OR4S2: variants seen among roughly 807,000 people sequenced by gnomAD.
OR4S2 encodes olfactory receptor 4S2.
Under a neutral mutation model 15.1 loss-of-function variants are expected in OR4S2, and 16 were observed. The ratio of observed to expected loss-of-function variants is 1.06; its 90% CI spans 0.72 to 1.61. The LOEUF (loss-of-function observed/expected upper bound fraction) is 1.61. OR4S2 is among the 40% of genes most tolerant of loss of function. The pLI is 0.00. For missense variants in OR4S2, 362 were observed against 379.6 expected (o/e 0.95, Z 0.38); for synonymous variants, 133 against 136.3 (o/e 0.98, Z 0.17).
Position 55,651,139 on chromosome 11 carries a change from T to C in OR4S2, c.236T>C (p.Met79Thr), listed in dbSNP as rs757223228. 1 of 1,475,212 alleles carries C rather than the reference T, an allele frequency of 6.8e-7. No homozygotes were observed. Among genetic ancestry groups the C allele is most frequent in the Non-Finnish European group, 9.2e-7 (1 of 1,081,086 alleles). 91.4% of individuals were successfully genotyped at this position (1,475,212 alleles called of 1,614,324 possible). A position where few individuals can be genotyped will look rare whatever the true frequency, so the allele number is the denominator to read the frequency against. The change falls in exon 2 of 2, where the codon ATG becomes ACG. Residue 79 changes from methionine to threonine, a missense_variant. Coordinates refer to ENST00000641692, the MANE Select transcript of OR4S2 (RefSeq NM_001004059.3). ...ICYSSVTAPK[M>T]IVDLLAKDKT... ...TACTCTTCAGTCACAGCTCCCAAGATGATTGTTGACCTGTTAGCAAAGGAC... is the reference window on the plus strand; with the variant it reads ...TACTCTTCAGTCACAGCTCCCAAGACGATTGTTGACCTGTTAGCAAAGGAC...
rs1338971859 is a variant in OR4S2, at chr11:55,652,457, C to T, written c.*618C>T. The T allele has an allele frequency of 5.1e-5, 7 of 138,398 alleles. 2 individuals carry two copies. The highest frequency in any genetic ancestry group is 1.1e-4 in the Non-Finnish European group (7 of 62,286). The allele number at this position is 138,398 out of a possible 1,614,324, so 8.6% of individuals were successfully genotyped here. ...GTTCACACTGTAGATTTCACTTATC[C>T]TTGTGCATGCGTGTTTCATCACTGT... On this transcript the variant is annotated 3_prime_UTR_variant, in exon 2 of 2. Coordinates refer to ENST00000641692, the MANE Select transcript of OR4S2 (RefSeq NM_001004059.3).
chr11:55,651,458 T>G lies in OR4S2; in HGVS notation c.555T>G (p.Leu185=), dbSNP rs1858567150. The change falls in exon 2 of 2, where the codon CTT becomes CTG. Residue 185 remains leucine, a synonymous_variant. Coordinates refer to ENST00000641692, the MANE Select transcript of OR4S2 (RefSeq NM_001004059.3). The part of the protein sequence containing the change: ...YFCDVHPVLK[L]ACTETYIVGV... ...GTGATGTTCACCCTGTGTTGAAACT[T>G]GCCTGCACAGAAACATACATTGTTG... 6.7e-7 allele frequency: 1 copy of G among 1,488,878 alleles called. No homozygotes were observed. 92.2% of individuals were successfully genotyped at this position (1,488,878 alleles called of 1,614,324 possible).
At chr11:55,649,106 C>A (rs1858533193) in intron 1 of OR4S2, among the ~76,000 whole-genome samples, 1 of 137,764 alleles carries the variant, frequency 7.3e-6, no homozygotes, top group Non-Finnish European at 1.6e-5. Context: ...TAGATGAGAG[C>A]AAAGCAACAT....
chr11:55,650,997 T>C lies in OR4S2; in HGVS notation c.94T>C (p.Phe32Leu), dbSNP rs1565075654. 4.1e-6 allele frequency: 6 copies of C among 1,461,686 alleles called. 2 individuals carry two copies. Among genetic ancestry groups the C allele is most frequent in the Non-Finnish European group, 5.6e-6 (6 of 1,068,726 alleles). The allele number at this position is 1,461,686 out of a possible 1,614,324, so 90.5% of individuals were successfully genotyped here. A position where few individuals can be genotyped will look rare whatever the true frequency, so the allele number is the denominator to read the frequency against. The change falls in exon 2 of 2, where the codon TTC becomes CTC. Residue 32 changes from phenylalanine (F) to leucine (L), a missense_variant. Coordinates refer to ENST00000641692, the MANE Select transcript of OR4S2 (RefSeq NM_001004059.3). ...AGTTTGTTTTGTGGTGTTTTCTTTC[T>C]TCTACATAATCATTCTTCTGGGAAA... ...EKVCFVVFSF[F>L]YIIILLGNLL...
rs1858565597 is a variant in OR4S2, at chr11:55,651,386, A to G, written c.483A>G (p.Val161=). 6.7e-7 allele frequency: 1 copy of G among 1,485,516 alleles called. No homozygotes were observed. The highest frequency in any genetic ancestry group is 9.2e-7 in the Non-Finnish European group (1 of 1,090,726). 92.0% of individuals were successfully genotyped at this position (1,485,516 alleles called of 1,614,324 possible). Residue 161 remains valine, a synonymous_variant, in exon 2 of 2, where the codon GTA becomes GTG. Transcript: ENST00000641692. ...FLHSIIQVAL[V]VQLPFCGPNE... The stretch of plus-strand genomic sequence containing the variant: ...ACTCCATTATCCAAGTGGCTCTGGT[A>G]GTCCAACTACCCTTTTGTGGACCCA...
In OR4S2 at chr11:55,652,753, A is replaced by G. The variant is rs1467052301; in HGVS notation, c.*914A>G. The G allele has an allele frequency of 7.2e-6, 1 of 139,034 alleles. No individual in the cohort carries two copies. The highest frequency in any genetic ancestry group is 1.6e-5 in the Non-Finnish European group (1 of 62,376). 8.6% of individuals were successfully genotyped at this position (139,034 alleles called of 1,614,324 possible). A position where few individuals can be genotyped will look rare whatever the true frequency, so the allele number is the denominator to read the frequency against. ...TCAGATGGCTATAACTTCCCCCACAATGCTAAGTTAACTACTTAGTAACAC... is the reference window on the plus strand; with the variant it reads ...TCAGATGGCTATAACTTCCCCCACAGTGCTAAGTTAACTACTTAGTAACAC... On this transcript the variant is annotated 3_prime_UTR_variant, in exon 2 of 2. Transcript: ENST00000641692.
Position 55,651,810 on chromosome 11 carries a change from A to C in OR4S2, c.907A>C (p.Asn303His). 1 of 1,441,320 alleles carries C rather than the reference A, an allele frequency of 6.9e-7. No homozygotes were observed. The highest frequency in any genetic ancestry group is 9.5e-7 in the Non-Finnish European group (1 of 1,055,368). 89.3% of individuals were successfully genotyped at this position (1,441,320 alleles called of 1,614,324 possible). Reference sequence around the variant, plus strand: ...TGCAATGAAGAAACTGTGGGGCAGAAATGTTTTCTTGGAGGCTAAAGGGAA... The same window carrying C: ...TGCAATGAAGAAACTGTGGGGCAGACATGTTTTCTTGGAGGCTAAAGGGAA... ...KNAMKKLWGR[N>H]VFLEAKGK Residue 303 changes from asparagine (N) to histidine (H), a missense_variant, in exon 2 of 2, where the codon AAT becomes CAT. Coordinates refer to ENST00000641692, the MANE Select transcript of OR4S2 (RefSeq NM_001004059.3).
intron 1 of OR4S2, among the ~76,000 whole-genome samples, chr11:55,649,165 G>A (rs1858533678): frequency 7.2e-6 from 1 of 138,268 alleles, no homozygotes. Context: ...CTTAAGTTGA[G>A]GGGCTCTCTT....
At position 55,651,901 on chromosome 11, in the gene OR4S2, T is replaced by C; in HGVS notation, c.*62T>C. The C allele has an allele frequency of 6.3e-6, 5 of 795,450 alleles. No homozygotes were observed. Among genetic ancestry groups the C allele is most frequent in the Non-Finnish European group, 9.9e-6 (5 of 506,394 alleles). 49.3% of individuals were successfully genotyped at this position (795,450 alleles called of 1,614,324 possible). ...TTCTCAGCCTTGGTTAACTCATCTG[T>C]GCAATCAAGACAATAACAACCTCAT... is the stretch of plus-strand genomic sequence containing the variant. On this transcript the variant is annotated 3_prime_UTR_variant, in exon 2 of 2. Coordinates refer to ENST00000641692, the MANE Select transcript of OR4S2 (RefSeq NM_001004059.3).
At position 55,651,396 on chromosome 11, in the gene OR4S2, C is replaced by T. The variant is rs771027415; in HGVS notation, c.493C>T (p.Pro165Ser). ...CCAAGTGGCTCTGGTAGTCCAACTA[C>T]CCTTTTGTGGACCCAATGAGATAGA... ...IIQVALVVQL[P>S]FCGPNEIDHY... The change falls in exon 2 of 2, where the codon CCC (proline) becomes TCC (serine). Residue 165 changes from proline (P) to serine (S), a missense_variant. Transcript: ENST00000641692. The T allele has an allele frequency of 1.7e-5, 25 of 1,487,742 alleles. 7 individuals are homozygous for T. Among genetic ancestry groups the T allele is most frequent in the Middle Eastern group, 3.8e-4 (2 of 5,312 alleles). The allele number at this position is 1,487,742 out of a possible 1,614,324, so 92.2% of individuals were successfully genotyped here.
At position 55,651,365 on chromosome 11, in the gene OR4S2, C is replaced by T; in HGVS notation, c.462C>T (p.Ser154=). 6.8e-7 allele frequency: 1 copy of T among 1,479,290 alleles called. No homozygotes were observed. Among genetic ancestry groups the T allele is most frequent in the Non-Finnish European group, 9.2e-7 (1 of 1,085,100 alleles). 91.6% of individuals were successfully genotyped at this position (1,479,290 alleles called of 1,614,324 possible). ...CGTGGGTAGGTGGGTTCTTACACTC[C>T]ATTATCCAAGTGGCTCTGGTAGTCC... The part of the protein sequence containing the change: ...LGTWVGGFLH[S]IIQVALVVQL... The change falls in exon 2 of 2, where the codon TCC becomes TCT. Residue 154 remains serine, a synonymous_variant. Transcript: ENST00000641692.
At position 55,651,499 on chromosome 11, in the gene OR4S2, C is replaced by A; in HGVS notation, c.596C>A (p.Ala199Asp). The change falls in exon 2 of 2, where the codon GCC becomes GAC. Residue 199 changes from alanine to aspartate, a missense_variant. Coordinates refer to ENST00000641692, the MANE Select transcript of OR4S2 (RefSeq NM_001004059.3). ...TACATTGTTGGTGTTGTTGTGACAG[C>A]CAACAGTGGTACCATTGCTCTGGGG... ...ETYIVGVVVT[A>D]NSGTIALGSF... 1.3e-6 allele frequency: 2 copies of A among 1,484,124 alleles called. 1 individual carries two copies. The highest frequency in any genetic ancestry group is 2.4e-5 in the South Asian group (2 of 84,726). The allele number at this position is 1,484,124 out of a possible 1,614,324, so 91.9% of individuals were successfully genotyped here. A position where few individuals can be genotyped will look rare whatever the true frequency, so the allele number is the denominator to read the frequency against.
Position 55,651,115 on chromosome 11 carries a change from A to C in OR4S2, c.212A>C (p.Tyr71Ser). The part of the protein sequence containing the change: ...LSFLSFVDIC[Y>S]SSVTAPKMIV... ...TTCTTGTCTTTTGTGGACATTTGTTACTCTTCAGTCACAGCTCCCAAGATG... is the reference window on the plus strand; with the variant it reads ...TTCTTGTCTTTTGTGGACATTTGTTCCTCTTCAGTCACAGCTCCCAAGATG... Residue 71 changes from tyrosine (Y) to serine (S), a missense_variant, in exon 2 of 2, where the codon TAC (tyrosine) becomes TCC (serine). Transcript: ENST00000641692. 2 of 1,475,074 alleles carry C rather than the reference A, an allele frequency of 1.4e-6. 1 individual carries two copies. The highest frequency in any genetic ancestry group is 1.8e-6 in the Non-Finnish European group (2 of 1,081,472). 91.4% of individuals were successfully genotyped at this position (1,475,074 alleles called of 1,614,324 possible). A position where few individuals can be genotyped will look rare whatever the true frequency, so the allele number is the denominator to read the frequency against.
Position 55,651,357 on chromosome 11 carries a change from T to A in OR4S2, c.454T>A (p.Leu152Ile), listed in dbSNP as rs1250426748. ...MLLGTWVGGFLHSIIQVALVV... is the reference protein window; with the variant it reads ...MLLGTWVGGFIHSIIQVALVV... ...ATTAGGGACGTGGGTAGGTGGGTTC[T>A]TACACTCCATTATCCAAGTGGCTCT... is the stretch of plus-strand genomic sequence containing the variant. The change falls in exon 2 of 2, where the codon TTA becomes ATA. Residue 152 changes from leucine (L) to isoleucine (I), a missense_variant. Physicochemically the swap from Leu to Ile is conservative, Grantham distance 5. Coordinates refer to ENST00000641692, the MANE Select transcript of OR4S2 (RefSeq NM_001004059.3). The A allele has an allele frequency of 6.8e-7, 1 of 1,478,344 alleles. No individual in the cohort carries two copies. The highest frequency in any genetic ancestry group is 1.2e-5 in the South Asian group (1 of 84,590). 91.6% of individuals were successfully genotyped at this position (1,478,344 alleles called of 1,614,324 possible).
rs921072359 is a variant in OR4S2 at position 55,651,649 on chromosome 11, TC to T, written c.747del (p.Phe249LeufsTer32). The T allele has an allele frequency of 6.7e-7, 1 of 1,493,058 alleles. No homozygotes were observed. 92.5% of individuals were successfully genotyped at this position (1,493,058 alleles called of 1,614,324 possible). A position where few individuals can be genotyped will look rare whatever the true frequency, so the allele number is the denominator to read the frequency against. ...CACATTGCCATGGTCGTTATCTTTTTCGGCCCCTGTACTTTTATGTACATGC... is the reference window on the plus strand; with the variant it reads ...CACATTGCCATGGTCGTTATCTTTTTGGCCCCTGTACTTTTATGTACATGC... ...GSHIAMVVIF[F>X]GPCTFMYMRP... On this transcript the variant is annotated frameshift_variant, in exon 2 of 2. Transcript: ENST00000641692. LOFTEE classifies it high-confidence loss of function.
chr11:55,651,613 C>T lies in OR4S2; in HGVS notation c.710C>T (p.Thr237Ile), dbSNP rs200040576. The T allele has an allele frequency of 6.7e-6, 10 of 1,489,968 alleles. 3 individuals carry two copies. Among genetic ancestry groups the T allele is most frequent in the Non-Finnish European group, 8.2e-6 (9 of 1,094,924 alleles). 92.3% of individuals were successfully genotyped at this position (1,489,968 alleles called of 1,614,324 possible). ...SAEGRRKALSTCGSHIAMVVI... is the reference protein window; with the variant it reads ...SAEGRRKALSICGSHIAMVVI... ...GAAGGCAGGCGCAAAGCCCTCTCCACCTGTGGCTCCCACATTGCCATGGTC... is the reference window on the plus strand; with the variant it reads ...GAAGGCAGGCGCAAAGCCCTCTCCATCTGTGGCTCCCACATTGCCATGGTC... Residue 237 changes from threonine (T) to isoleucine (I), a missense_variant, in exon 2 of 2, where the codon ACC (threonine) becomes ATC (isoleucine). Transcript: ENST00000641692.
rs148212821 is a variant in OR4S2, at chr11:55,651,142, T to C, written c.239T>C (p.Ile80Thr). The C allele has an allele frequency of 2.2e-4, 330 of 1,475,168 alleles. 37 individuals carry two copies. The African/African-American group carries it at 3.5e-3, about 16-fold the overall frequency. The allele number at this position is 1,475,168 out of a possible 1,614,324, so 91.4% of individuals were successfully genotyped here. A position where few individuals can be genotyped will look rare whatever the true frequency, so the allele number is the denominator to read the frequency against. ...CYSSVTAPKM[I>T]VDLLAKDKTI... Reference sequence around the variant, plus strand: ...TCTTCAGTCACAGCTCCCAAGATGATTGTTGACCTGTTAGCAAAGGACAAA... The same window carrying C: ...TCTTCAGTCACAGCTCCCAAGATGACTGTTGACCTGTTAGCAAAGGACAAA... Residue 80 changes from isoleucine to threonine, a missense_variant, in exon 2 of 2, where the codon ATT becomes ACT. Coordinates refer to ENST00000641692, the MANE Select transcript of OR4S2 (RefSeq NM_001004059.3).
At position 55,648,851 on chromosome 11, in the gene OR4S2, G is replaced by C. The variant is rs1344703321; in HGVS notation, c.-37+301G>C. Among the ~76,000 whole-genome samples the C allele has an allele frequency of 1.5e-5, 2 of 137,720 alleles. 1 individual carries two copies. Among genetic ancestry groups the C allele is most frequent in the Non-Finnish European group, 3.2e-5 (2 of 61,976 alleles). 90.3% of individuals were successfully genotyped at this position (137,720 alleles called of 152,430 possible). On this transcript the variant is annotated intron_variant, in intron 1 of 1. Transcript: ENST00000641692. ...CTTGTGATGGATATTGGCTTAAGGA[G>C]AGAAACAGCAAGATGTTACTGCATC...
Position 55,648,334 on chromosome 11 carries a change from C to T in OR4S2, c.-253C>T, listed in dbSNP as rs1180643967. On this transcript the variant is annotated 5_prime_UTR_variant, in exon 1 of 2. Coordinates refer to ENST00000641692, the MANE Select transcript of OR4S2 (RefSeq NM_001004059.3). Reference sequence around the variant, plus strand: ...GAAAACAGCATTTATTGTCAAAGACCCTGTGAAATGGCAGGTATCATTAGG... The same window carrying T: ...GAAAACAGCATTTATTGTCAAAGACTCTGTGAAATGGCAGGTATCATTAGG... The T allele has an allele frequency of 9.5e-5, 13 of 137,076 alleles. 1 individual carries two copies. Among genetic ancestry groups the T allele is most frequent in the African/African-American group, 3.0e-4 (12 of 39,628 alleles). 8.5% of individuals were successfully genotyped at this position (137,076 alleles called of 1,614,324 possible).
Sources: gnomAD v4.1 joint callset for allele counts (sites outside exome capture counted in the v4.1 genomes callset) on GRCh38, gnomAD v4.1.1 for gene constraint, MANE v1.5 for transcripts, NCBI Gene and HGNC (gene_info 2026-07-23, HGNC 2026-07-21) for gene names.